Variants in FGGY observed in about 807,000 individuals in gnomAD.
FGGY encodes the protein FGGY carbohydrate kinase domain-containing protein.
A neutral mutation model predicts 71.3 loss-of-function variants in FGGY; 72 were observed. The ratio of observed to expected loss-of-function variants is 1.01; its 90% CI spans 0.84 to 1.23. The LOEUF is 1.23. FGGY is among the 50% of genes most tolerant of loss of function. The pLI is 0.00. For missense variants in FGGY, 668 were observed against 682.3 expected, an observed-to-expected ratio of 0.98 and a Z score of 0.23; for synonymous variants, 251 against 250.3, an observed-to-expected ratio of 1.00 and a Z score of -0.02.
At chr1:59,315,704 A>C (rs1470237363) in intron 1 of FGGY, 1 of 152,226 alleles carries the variant, frequency 6.6e-6, no homozygotes, top group Non-Finnish European at 1.5e-5. Context: ...AAATATGCTT[A>C]TACGCGTTTT....
chr1:59,376,235 T>G (rs763178808), intron 4 of FGGY, among the ~76,000 whole-genome samples: 34 of 152,216 alleles, frequency 2.2e-4, no homozygotes, highest in Non-Finnish European at 4.1e-4. Context: ...TGATTTAACA[T>G]TAACATCTTA....
intron 8 of FGGY, among the ~76,000 whole-genome samples, chr1:59,559,092 A>G (rs780315093): frequency 4.6e-5 from 7 of 152,160 alleles, no homozygotes; most frequent in Non-Finnish European, 7.4e-5. Flanking sequence ...TTTACAATCA[A>G]TTTGTACAGT....
At chr1:59,741,730 A>G (rs2098150001) in intron 14 of FGGY, among the ~76,000 whole-genome samples, 1 of 152,008 alleles carries the variant, frequency 6.6e-6, no homozygotes. Context: ...AGGTCAGGAG[A>G]TCAAGACCGT....
chr1:59,472,753 T>A (rs1048996995), intron 6 of FGGY, among the ~76,000 whole-genome samples: 1 of 151,668 alleles, frequency 6.6e-6, no homozygotes, highest in African/African-American at 2.4e-5. Context: ...ACACTCTGTA[T>A]CTAGCTAATC....
intron 14 of FGGY, among the ~76,000 whole-genome samples, chr1:59,754,332 C>G (rs765308364): frequency 7.9e-5 from 12 of 152,182 alleles, no homozygotes; most frequent in Non-Finnish European, 1.5e-4. Flanking sequence ...CCTGTCTATT[C>G]TCATAGATTG....
intron 14 of FGGY, among the ~76,000 whole-genome samples, chr1:59,694,690 CT>C (rs58871168): frequency 0.2 from 27,908 of 142,228 alleles, 2,871 homozygotes; most frequent in Admixed American, 0.32. Flanking sequence ...AACTAGGTGT[CT>C]TTTTTTTTTT....
chr1:59,296,461 G>A (rs1353403092), upstream of FGGY, among the ~76,000 whole-genome samples: 1 of 152,226 alleles, frequency 6.6e-6, no homozygotes, highest in African/African-American at 2.4e-5. Context: ...GCTCCGCAAG[G>A]TGAGTCCCCA....
rs117846020 is a variant in FGGY at position 59,557,861 on chromosome 1, C to T, written c.903+3634C>T. On this transcript the variant is annotated intron_variant, in intron 8 of 15. Transcript: ENST00000303721. ...GATGGGGACAGGACCCTGGGGGGGT[C>T]GGGGTAGGGAGAAACACTGAGGAGG... is the stretch of plus-strand genomic sequence containing the variant. Among the ~76,000 whole-genome samples the T allele has an allele frequency of 1.6e-4, 24 of 151,656 alleles. 1 individual carries two copies. Among genetic ancestry groups the T allele is most frequent in the East Asian group, 7.8e-4 (4 of 5,122 alleles).
At chr1:59,521,757 C>T (rs1220074187) in intron 7 of FGGY, among the ~76,000 whole-genome samples, 2 of 152,098 alleles carry the variant, frequency 1.3e-5, no homozygotes, top group African/African-American at 2.4e-5. Flanking sequence ...AGCCAGGGTC[C>T]CCGCCCCATT....
At chr1:59,526,405 C>T (rs2094980464) in intron 7 of FGGY, among the ~76,000 whole-genome samples, 1 of 152,170 alleles carries the variant, frequency 6.6e-6, no homozygotes, top group Admixed American at 6.5e-5. Context: ...ACATACTTTG[C>T]CTCAAGCATG....
At chr1:59,717,578 G>A (rs957539994) in intron 14 of FGGY, among the ~76,000 whole-genome samples, 2 of 152,128 alleles carry the variant, frequency 1.3e-5, no homozygotes, top group African/African-American at 4.8e-5. Context: ...CAGAGCTTGG[G>A]TTTGGGATGG....
Position 59,667,404 on chromosome 1 carries a change from G to T in FGGY, c.1417+1G>T. 1 of 1,613,944 alleles carries T rather than the reference G, an allele frequency of 6.2e-7. No homozygotes were observed. The highest frequency in any genetic ancestry group is 8.5e-7 in the Non-Finnish European group (1 of 1,179,888). ...GTGCAAATGCATGCGGACATTACTG[G>T]TAAGTCTGGGAAAGAGGAGAGAAGG... On this transcript the variant is annotated splice_donor_variant, in intron 13 of 15. Coordinates refer to ENST00000303721, the MANE Select transcript of FGGY (RefSeq NM_018291.5). LOFTEE classifies it high-confidence loss of function.
chr1:59,512,510 C>T (rs2094543653), intron 7 of FGGY, 71 bp downstream of exon 7: 2 of 1,464,664 alleles, frequency 1.4e-6, no homozygotes, highest in South Asian at 1.5e-5. Context: ...CGAAGACACT[C>T]CTTTTCTGTT....
intron 8 of FGGY, among the ~76,000 whole-genome samples, chr1:59,561,240 G>A (rs994643899): frequency 1.3e-5 from 2 of 152,198 alleles, no homozygotes; most frequent in African/African-American, 4.8e-5. Flanking sequence ...AACAATGAAA[G>A]TGCTGAGGTG....
At chr1:59,676,584 TA>T (rs944338300) in intron 14 of FGGY, among the ~76,000 whole-genome samples, 1 of 152,058 alleles carries the variant, frequency 6.6e-6, no homozygotes, top group Admixed American at 6.6e-5. Context: ...CATCTTCCCC[TA>T]ATGGGAAACT....
At chr1:59,620,340 C>CTCTTT (rs199767091) in intron 9 of FGGY, among the ~76,000 whole-genome samples, 6 of 151,806 alleles carry the variant, frequency 4.0e-5, no homozygotes, top group African/African-American at 1.5e-4. Context: ...CTTTTTTCTT[C>CTCTTT]TCTTTTCTTT....
chr1:59,740,170 C>T (rs1017531110), intron 14 of FGGY, among the ~76,000 whole-genome samples: 1 of 152,216 alleles, frequency 6.6e-6, no homozygotes, highest in African/African-American at 2.4e-5. Context: ...CCTTTTTAAA[C>T]AACTCTTCTT....
intron 5 of FGGY, among the ~76,000 whole-genome samples, chr1:59,426,545 AT>A (rs2066400838): frequency 6.6e-6 from 1 of 152,212 alleles, no homozygotes; most frequent in South Asian, 2.1e-4. Flanking sequence ...GTGATAGTGT[AT>A]TTGACATTCT....
At chr1:59,299,650 G>T (rs1194956976) in intron 1 of FGGY, among the ~76,000 whole-genome samples, 1 of 149,724 alleles carries the variant, frequency 6.7e-6, no homozygotes, top group Non-Finnish European at 1.5e-5. Flanking sequence ...CTATAGAAGG[G>T]TGCGCCCTCA....
Sources: allele counts gnomAD v4.1 joint callset (sites outside exome capture counted in the v4.1 genomes callset), GRCh38; gene constraint gnomAD v4.1.1; transcripts MANE v1.5; gene names NCBI Gene and HGNC (gene_info 2026-07-23, HGNC 2026-07-21).